The following PIEZO1 variants were observed in gnomAD, a reference collection of about 807,000 sequenced individuals.
PIEZO1 encodes the protein piezo-type mechanosensitive ion channel component 1.
A neutral mutation model predicts 297.2 loss-of-function variants in PIEZO1; 296 were observed. The observed-to-expected ratio is 1.00, with a 90% CI of 0.91 to 1.10. The LOEUF (loss-of-function observed/expected upper bound fraction) is 1.10, where lower values mean the gene tolerates loss of function less well. Ranked by LOEUF, PIEZO1 falls within the 50% of genes least tolerant of loss-of-function variation. The pLI is 0.00. For missense variants in PIEZO1, 5,018 were observed against 3,455.5 expected (o/e 1.45, Z -11.34); for synonymous variants, 2,427 against 1,507.5 (o/e 1.61, Z -14.13).
intron 2 of PIEZO1, chr16:88,743,253 G>C (rs750275815): frequency 2.2e-6 from 1 of 456,558 alleles, no homozygotes; most frequent in Non-Finnish European, 4.4e-6. Flanking sequence ...CTCTGCTCTC[G>C]GCGCACATGT....
chr16:88,743,439 A>C (rs1290518861), intron 2 of PIEZO1: 2 of 437,564 alleles, frequency 4.6e-6, no homozygotes, highest in Non-Finnish European at 9.4e-6. Context: ...GGCCACGAGA[A>C]AGTGCAGAAC....
At position 88,715,930 on chromosome 16, in the gene PIEZO1, C is replaced by T; in HGVS notation, c.7316+3G>A. The T allele has an allele frequency of 1.9e-6, 3 of 1,548,372 alleles. No homozygotes were observed. The highest frequency in any genetic ancestry group is 1.7e-6 in the Non-Finnish European group (2 of 1,145,518). ...CGGGGTGCCCCCCCAGCCACTCACT[C>T]ACCCGTAGCCAGCCAGGAAGCCGAG... On this transcript the variant is annotated splice_donor_region_variant and intron_variant, in intron 50 of 50. Coordinates refer to ENST00000301015, the MANE Select transcript of PIEZO1 (RefSeq NM_001142864.4).
chr16:88,753,433 C>G (rs1397328142), intron 1 of PIEZO1, among the ~76,000 whole-genome samples: 2 of 151,722 alleles, frequency 1.3e-5, no homozygotes, highest in Non-Finnish European at 1.5e-5. Context: ...CCACAGACAC[C>G]AAGCAGGGGC....
intron 1 of PIEZO1, among the ~76,000 whole-genome samples, chr16:88,750,563 T>A (rs1041434741): frequency 6.6e-6 from 1 of 152,218 alleles, no homozygotes; most frequent in Non-Finnish European, 1.5e-5. Context: ...GGCCAGTGCC[T>A]GCATCAGTCC....
At position 88,716,064 on chromosome 16, in the gene PIEZO1, C is replaced by G. The variant is rs907095803; in HGVS notation, c.7185G>C (p.Ala2395=). The change falls in exon 50 of 51, where the codon GCG becomes GCC. Residue 2395 remains alanine, a synonymous_variant. Coordinates refer to ENST00000301015, the MANE Select transcript of PIEZO1 (RefSeq NM_001142864.4). ...VRIQLRREQG[A]GATGFLEWWV... is the part of the protein sequence containing the mutation. Reference sequence around the variant, plus strand: ...ACCATTCGAGGAAGCCGGTGGCCCCCGCACCCTGCTCCCTCCGCAGCTGGA... The same window carrying G: ...ACCATTCGAGGAAGCCGGTGGCCCCGGCACCCTGCTCCCTCCGCAGCTGGA... 2.6e-6 allele frequency: 4 copies of G among 1,550,164 alleles called. No individual in the cohort carries two copies. The highest frequency in any genetic ancestry group is 2.4e-5 in the East Asian group (1 of 40,914).
intron 1 of PIEZO1, among the ~76,000 whole-genome samples, chr16:88,763,401 A>AC (rs1907019596): frequency 2.6e-5 from 4 of 152,200 alleles, no homozygotes; most frequent in Non-Finnish European, 5.9e-5. Context: ...GCAGTGGGCC[A>AC]GGTATGGTGA....
At chr16:88,775,977 C>G (rs1043096099) in intron 1 of PIEZO1, among the ~76,000 whole-genome samples, 1 of 152,126 alleles carries the variant, frequency 6.6e-6, no homozygotes, top group African/African-American at 2.4e-5. Flanking sequence ...GAGGCGCCAA[C>G]CAGAGCCGGA....
rs1048523674 is a variant in PIEZO1, at chr16:88,775,688, C to T, written c.64+9213G>A. Among the ~76,000 whole-genome samples the T allele has an allele frequency of 2.7e-4, 40 of 146,066 alleles. 1 individual carries two copies. Among genetic ancestry groups the T allele is most frequent in the African/African-American group, 9.9e-4 (39 of 39,404 alleles). On this transcript the variant is annotated intron_variant, in intron 1 of 50. Transcript: ENST00000301015. ...AGGGTGCAGTGAGCCAAGATCGTGC[C>T]ACTCCACTACAGCCTGGGTGGCAGA...
rs776536395 is a variant in PIEZO1 at position 88,732,724 on chromosome 16, G to A, written c.2673C>T (p.Pro891=). The A allele has an allele frequency of 3.8e-5, 59 of 1,546,890 alleles. No homozygotes were observed. The highest frequency in any genetic ancestry group is 7.9e-5 in the Admixed American group (4 of 50,794). ...EYSSNCTEPF[P]NSTNLLPTEI... ...CCGTGGGCAGCAAGTTGGTGCTGTT[G>A]GGGAAGGGCTGGCAAGAGGCCAGGC... is the stretch of plus-strand genomic sequence containing the variant. The change falls in exon 20 of 51, where the codon CCC becomes CCT. Residue 891 remains proline, a synonymous_variant. Transcript: ENST00000301015.
At chr16:88,762,257 C>A (rs553770743) in intron 1 of PIEZO1, among the ~76,000 whole-genome samples, 2 of 152,292 alleles carry the variant, frequency 1.3e-5, no homozygotes, top group African/African-American at 4.8e-5. Context: ...AGAAAGGGCC[C>A]CCGCTGGCCT....
At chr16:88,731,670 CAAAGCCCA>C in intron 22 of PIEZO1, 28 bp downstream of exon 22, 1 of 1,520,646 alleles carries the variant, frequency 6.6e-7, no homozygotes, top group Non-Finnish European at 8.9e-7. Context: ...CACAAAGCCA[CAAAGCCCA>C]CTCCCACCCA....
At chr16:88,763,097 A>G (rs1025810803) in intron 1 of PIEZO1, among the ~76,000 whole-genome samples, 17 of 152,198 alleles carry the variant, frequency 1.1e-4, no homozygotes, top group African/African-American at 4.1e-4. Flanking sequence ...GTAGAGCCAG[A>G]GACACCTGGC....
At chr16:88,761,723 C>T (rs902081752) in intron 1 of PIEZO1, among the ~76,000 whole-genome samples, 4 of 152,084 alleles carry the variant, frequency 2.6e-5, no homozygotes, top group Non-Finnish European at 5.9e-5. Flanking sequence ...GCCCTTCCCC[C>T]ACTTCCTCCT....
At position 88,716,696 on chromosome 16, in the gene PIEZO1, C is replaced by G. The variant is rs532093814; in HGVS notation, c.6789G>C (p.Glu2263Asp). 4 of 1,548,606 alleles carry G rather than the reference C, an allele frequency of 2.6e-6. No homozygotes were observed. Among genetic ancestry groups the G allele is most frequent in the African/African-American group, 2.7e-5 (2 of 73,056 alleles). Residue 2263 changes from glutamate to aspartate, a missense_variant, in exon 47 of 51, where the codon GAG becomes GAC. Glu to Asp is a conservative substitution (Grantham distance 45, BLOSUM62 2). Transcript: ENST00000301015. ...AMQFISQYSP[E>D]DIVTAQIEGS... ...CCTCAATCTGCGCCGTGACGATGTCCTCAGGGCTGTACTGGCTGATGAACT... is the reference window on the plus strand; with the variant it reads ...CCTCAATCTGCGCCGTGACGATGTCGTCAGGGCTGTACTGGCTGATGAACT...
chr16:88,767,299 C>G (rs912285326), intron 1 of PIEZO1, among the ~76,000 whole-genome samples: 2 of 152,178 alleles, frequency 1.3e-5, no homozygotes, highest in African/African-American at 2.4e-5. Context: ...TGCTGAGACC[C>G]CTGGGCCAGG....
intron 1 of PIEZO1, among the ~76,000 whole-genome samples, chr16:88,761,179 C>G (rs1248449733): frequency 6.6e-6 from 1 of 152,218 alleles, no homozygotes; most frequent in African/African-American, 2.4e-5. Context: ...GGGGAACTGT[C>G]TCTGCCCAGG....
In PIEZO1 at chr16:88,731,806, C is replaced by T. The variant is rs1251424482; in HGVS notation, c.3096G>A (p.Gln1032=). The change falls in exon 22 of 51, where the codon CAG becomes CAA. Residue 1032 remains glutamine, a synonymous_variant. Coordinates refer to ENST00000301015, the MANE Select transcript of PIEZO1 (RefSeq NM_001142864.4). The stretch of plus-strand genomic sequence containing the variant: ...AGTTGGGCCAGAGGCGGGCAATGGC[C>T]TGGCGGTGCCTGCGGGTGAGGATGG... The part of the protein sequence containing the change: ...LVAILTRRHR[Q]AIARLWPNYC... The T allele has an allele frequency of 1.7e-5, 26 of 1,541,708 alleles. No homozygotes were observed. The highest frequency in any genetic ancestry group is 1.4e-4 in the Admixed American group (7 of 50,282).
intron 1 of PIEZO1, among the ~76,000 whole-genome samples, chr16:88,765,588 C>T (rs1835393757): frequency 6.6e-6 from 1 of 152,058 alleles, no homozygotes; most frequent in Admixed American, 6.6e-5. Flanking sequence ...GTGAGCACCT[C>T]GTATAGCTGG....
chr16:88,757,333 G>GGGGGGT (rs1906723830), intron 1 of PIEZO1, among the ~76,000 whole-genome samples: 4 of 119,572 alleles, frequency 3.3e-5, no homozygotes, highest in Admixed American at 8.5e-5. Context: ...GGGGTGGGGG[G>GGGGGGT]TAGTTACCTA....
Sources: gnomAD v4.1 joint callset for allele counts (sites outside exome capture counted in the v4.1 genomes callset) on GRCh38, gnomAD v4.1.1 for gene constraint, MANE v1.5 for transcripts, NCBI Gene and HGNC (gene_info 2026-07-23, HGNC 2026-07-21) for gene names.